The following EML4 variants were observed in gnomAD, a reference collection of about 807,000 sequenced individuals.
EML4 encodes echinoderm microtubule-associated protein-like 4.
EML4 carries 72 observed loss-of-function variants against 129.0 expected under a neutral mutation model. That is an observed-to-expected ratio of 0.56 (90% confidence interval 0.46 to 0.68). The LOEUF is 0.68. Ranked by LOEUF, EML4 falls within the 30% of genes least tolerant of loss-of-function variation. The pLI is 0.00. For missense variants in EML4, 1,363 were observed against 1,190.6 expected (o/e 1.14, Z -2.13); for synonymous variants, 532 against 405.0 (o/e 1.31, Z -3.77).
intron 19 of EML4, among the ~76,000 whole-genome samples, chr2:42,317,734 T>A (rs1669319985): frequency 6.6e-6 from 1 of 152,226 alleles, no homozygotes; most frequent in Non-Finnish European, 1.5e-5. Context: ...GGGTGTAATA[T>A]TTGTCACTCT....
rs375707062 is a variant in EML4 at position 42,306,484 on chromosome 2, C to CTTTTTTTTTTTT, written c.1967+1948_1967+1959dup. 4.2e-4 allele frequency among the ~76,000 whole-genome samples: 31 copies of CTTTTTTTTTTTT among 74,604 alleles called. 3 individuals are homozygous for CTTTTTTTTTTTT. The highest frequency in any genetic ancestry group is 7.4e-4 in the Non-Finnish European group (28 of 37,830). The allele number at this position is 74,604 out of a possible 152,430, so 48.9% of individuals were successfully genotyped here. ...GTGTCTGATGACCTTGTGCTAAATC[C>CTTTTTTTTTTTT]TTTTTTTTTTTTTTTTTTTTTTTTT... On this transcript the variant is annotated intron_variant, in intron 17 of 22. Transcript: ENST00000318522.
intron 1 of EML4, among the ~76,000 whole-genome samples, chr2:42,220,896 G>T (rs761221809): frequency 7.2e-5 from 11 of 152,174 alleles, no homozygotes; most frequent in Non-Finnish European, 1.5e-4. Context: ...ATTCCCTTAA[G>T]CCAAAGCCTA....
chr2:42,196,975 TG>T lies in EML4; in HGVS notation c.25+27340del, dbSNP rs558332638. 3.3e-5 allele frequency among the ~76,000 whole-genome samples: 5 copies of T among 152,362 alleles called. No homozygotes were observed. The East Asian group carries it at 9.6e-4, about 29-fold the overall frequency. Reference sequence around the variant, plus strand: ...AAATTTCACTTATGTTCAGTGTTTTTGTAGGCCCATAGAATAAATACAGTAG... The same window carrying T: ...AAATTTCACTTATGTTCAGTGTTTTTTAGGCCCATAGAATAAATACAGTAG... On this transcript the variant is annotated intron_variant, in intron 1 of 22. Transcript: ENST00000318522.
intron 1 of EML4, among the ~76,000 whole-genome samples, chr2:42,176,974 A>AATTTT (rs1670641690): frequency 6.6e-6 from 1 of 151,998 alleles, no homozygotes; most frequent in Non-Finnish European, 1.5e-5. Flanking sequence ...TTGTATTTTT[A>AATTTT]GTAGAGACGG....
chr2:42,187,892 A>T (rs936236677), intron 1 of EML4, among the ~76,000 whole-genome samples: 5 of 152,070 alleles, frequency 3.3e-5, no homozygotes, highest in African/African-American at 1.2e-4. Context: ...TGTAGTTTAT[A>T]CTTTTTGTGT....
At chr2:42,290,075 A>G (rs1288658876) in intron 11 of EML4, among the ~76,000 whole-genome samples, 1 of 152,028 alleles carries the variant, frequency 6.6e-6, no homozygotes, top group Non-Finnish European at 1.5e-5. Flanking sequence ...CGACAGAGCA[A>G]GACTTCGTCT....
chr2:42,215,562 T>A (rs896431421), intron 1 of EML4, among the ~76,000 whole-genome samples: 21 of 151,820 alleles, frequency 1.4e-4, no homozygotes, highest in African/African-American at 3.6e-4. Context: ...AAAAAAAAAA[T>A]TTTGCAGTGA....
intron 17 of EML4, among the ~76,000 whole-genome samples, chr2:42,306,306 A>T (rs1010922896): frequency 1.5e-4 from 23 of 152,264 alleles, no homozygotes; most frequent in Admixed American, 1.2e-3. Context: ...AAAAATGGTT[A>T]AGCACACAGG....
Position 42,307,260 on chromosome 2 carries a change from A to G in EML4, c.1967+2709A>G, listed in dbSNP as rs183457548. Among the ~76,000 whole-genome samples, 174 of 152,354 alleles carry G rather than the reference A, an allele frequency of 1.1e-3. 1 individual carries two copies. The highest frequency in any genetic ancestry group is 1.1e-3 in the Non-Finnish European group (78 of 68,032). On this transcript the variant is annotated intron_variant, in intron 17 of 22. Coordinates refer to ENST00000318522, the MANE Select transcript of EML4 (RefSeq NM_019063.5). ...CATAGCTGTGAAGTCATCATTGACAAGCTTAAAATGGAAAGTCACTCAATT... is the reference window on the plus strand; with the variant it reads ...CATAGCTGTGAAGTCATCATTGACAGGCTTAAAATGGAAAGTCACTCAATT...
chr2:42,209,042 A>G (rs1431453794), intron 1 of EML4, among the ~76,000 whole-genome samples: 1 of 152,124 alleles, frequency 6.6e-6, no homozygotes, highest in Non-Finnish European at 1.5e-5. Context: ...GCTAGACACT[A>G]GAGTTTAGTC....
At chr2:42,229,779 CT>C (rs1674208008) in intron 1 of EML4, among the ~76,000 whole-genome samples, 1 of 152,008 alleles carries the variant, frequency 6.6e-6, no homozygotes, top group Non-Finnish European at 1.5e-5. Flanking sequence ...GCGAGAACAT[CT>C]GACCTCTTGG....
chr2:42,260,031 AT>A (rs879504691), intron 3 of EML4, among the ~76,000 whole-genome samples: 248 of 138,754 alleles, frequency 1.8e-3, no homozygotes, highest in Middle Eastern at 4.3e-3. Flanking sequence ...TGCCTGGCCA[AT>A]TTTTTTTTTT....
intron 6 of EML4, among the ~76,000 whole-genome samples, chr2:42,266,378 G>T (rs1448476343): frequency 2.0e-5 from 3 of 152,148 alleles, no homozygotes; most frequent in Non-Finnish European, 4.4e-5. Flanking sequence ...AGAGGGTCTT[G>T]CTCTGTTGCC....
chr2:42,212,356 C>T (rs1253595890), intron 1 of EML4, among the ~76,000 whole-genome samples: 2 of 152,122 alleles, frequency 1.3e-5, no homozygotes, highest in South Asian at 2.1e-4. Context: ...TTAATATCAC[C>T]TTTAATGAAT....
At position 42,284,658 on chromosome 2, in the gene EML4, T is replaced by C. The variant is rs1667188810; in HGVS notation, c.966T>C (p.Ile322=). Residue 322 remains isoleucine (I), a synonymous_variant, in exon 9 of 23, where the codon ATT becomes ATC. Transcript: ENST00000318522. The part of the protein sequence containing the change: ...VKCLAIHPDK[I]RIATGQIAGV... ...GCCTTGCTATACATCCTGACAAAAT[T>C]AGGATTGCAACTGGACAGATAGCTG... The C allele has an allele frequency of 6.2e-7, 1 of 1,612,636 alleles. No individual in the cohort carries two copies. Among genetic ancestry groups the C allele is most frequent in the South Asian group, 1.1e-5 (1 of 90,858 alleles).
chr2:42,191,478 T>G (rs1372685600), intron 1 of EML4, among the ~76,000 whole-genome samples: 1 of 152,130 alleles, frequency 6.6e-6, no homozygotes, highest in East Asian at 1.9e-4. Context: ...CATTATGTGT[T>G]GAAAGGGCAG....
intron 1 of EML4, among the ~76,000 whole-genome samples, chr2:42,229,694 T>C (rs1674199925): frequency 6.6e-6 from 1 of 152,110 alleles, no homozygotes; most frequent in Non-Finnish European, 1.5e-5. Flanking sequence ...AGCATTTAGC[T>C]CATTTGCTTA....
intron 13 of EML4, among the ~76,000 whole-genome samples, chr2:42,295,745 A>C (rs1220272851): frequency 2.0e-5 from 3 of 152,162 alleles, no homozygotes; most frequent in African/African-American, 7.2e-5. Flanking sequence ...CATTCCCTTT[A>C]GGAAGTTAAT....
intron 1 of EML4, among the ~76,000 whole-genome samples, chr2:42,172,775 CTA>C (rs1670354532): frequency 6.6e-6 from 1 of 151,892 alleles, no homozygotes; most frequent in African/African-American, 2.4e-5. Flanking sequence ...AATCTCAGGT[CTA>C]TGTGCAAAAG....
Sources: allele counts gnomAD v4.1 joint callset (sites outside exome capture counted in the v4.1 genomes callset), GRCh38; gene constraint gnomAD v4.1.1; transcripts MANE v1.5; gene names NCBI Gene and HGNC (gene_info 2026-07-23, HGNC 2026-07-21).